RHOC: variants seen among roughly 807,000 people sequenced by gnomAD.
The protein encoded by RHOC is rho-related GTP-binding protein RhoC.
A neutral mutation model predicts 19.5 loss-of-function variants in RHOC; 13 were observed. The observed-to-expected ratio is 0.67, with a 90% CI of 0.43 to 1.06. The LOEUF is 1.06. Ranked by LOEUF, RHOC falls within the 50% of genes least tolerant of loss-of-function variation. RHOC has a pLI of 0.00. For synonymous variants in RHOC, 106 were observed against 97.3 expected, an observed-to-expected ratio of 1.09 and a Z score of -0.52; for missense variants, 173 against 256.9, an observed-to-expected ratio of 0.67 and a Z score of 2.23.
upstream of RHOC, chr1:112,707,206 G>A (rs1425088808): frequency 6.7e-6 from 1 of 150,218 alleles, no homozygotes; most frequent in Non-Finnish European, 1.5e-5. Flanking sequence ...TCGGCCGGGG[G>A]CGGCCCTTGG....
chr1:112,702,045 C>T (rs923536745), intron 5 of RHOC, among the ~76,000 whole-genome samples: 1 of 152,326 alleles, frequency 6.6e-6, no homozygotes, highest in Middle Eastern at 3.4e-3. Context: ...GACCTAACAT[C>T]TCCCCAGTTT....
At chr1:112,702,454 G>T (rs1268099505) in intron 5 of RHOC, 109 bp downstream of exon 5, 47 of 1,218,356 alleles carry the variant, frequency 3.9e-5, no homozygotes, top group Non-Finnish European at 4.7e-5. Flanking sequence ...AGATATTACT[G>T]TTTCCCCTAA....
chr1:112,705,108 G>C lies in RHOC; in HGVS notation c.-16C>G, dbSNP rs746194699. 27 of 702,342 alleles carry C rather than the reference G, an allele frequency of 3.8e-5. 1 individual carries two copies. The highest frequency in any genetic ancestry group is 3.6e-4 in the South Asian group (24 of 67,596). 43.5% of individuals were successfully genotyped at this position (702,342 alleles called of 1,614,324 possible). A position where few individuals can be genotyped will look rare whatever the true frequency, so the allele number is the denominator to read the frequency against. ...TGGGGAGGGGAACTGACCTCCAGCC[G>C]GCTGAAGTTCCCAGGCTGCAGGAAG... On this transcript the variant is annotated 5_prime_UTR_variant, in exon 2 of 6. Transcript: ENST00000339083.
chr1:112,703,546 C>T, intron 3 of RHOC, 98 bp downstream of exon 3: 1 of 999,604 alleles, frequency 1.0e-6, no homozygotes. Context: ...GAGAATGAAG[C>T]AAAGACAGGG....
At position 112,702,998 on chromosome 1, in the gene RHOC, C is replaced by T; in HGVS notation, c.277+1G>A. On this transcript the variant is annotated splice_donor_variant, in intron 4 of 5. Transcript: ENST00000339083. LOFTEE classifies it high-confidence loss of function. ...CAGTCCCCTCCCTCCAATCCCCTCA[C>T]CCAGGCTGTCAGGGCTGTCGATGGA... 6.2e-7 allele frequency: 1 copy of T among 1,613,912 alleles called. No individual in the cohort carries two copies. The highest frequency in any genetic ancestry group is 8.5e-7 in the Non-Finnish European group (1 of 1,179,962).
At chr1:112,702,319 A>G (rs1440299579) in intron 5 of RHOC, among the ~76,000 whole-genome samples, 1 of 152,188 alleles carries the variant, frequency 6.6e-6, no homozygotes, top group South Asian at 2.1e-4. Flanking sequence ...AATCATCTTA[A>G]TAGTCCCAAT....
intron 1 of RHOC, among the ~76,000 whole-genome samples, chr1:112,706,503 CA>C (rs1327097577): frequency 1.6e-5 from 1 of 61,572 alleles, no homozygotes; most frequent in East Asian, 3.8e-4. Flanking sequence ...CACACACACA[CA>C]CACACACACA....
rs1570825997 is a variant in RHOC at position 112,701,323 on chromosome 1, G to A, written c.*217C>T. 2 of 1,341,022 alleles carry A rather than the reference G, an allele frequency of 1.5e-6. No individual in the cohort carries two copies. The highest frequency in any genetic ancestry group is 2.0e-6 in the Non-Finnish European group (2 of 991,680). The allele number at this position is 1,341,022 out of a possible 1,614,324, so 83.1% of individuals were successfully genotyped here. ...GGTCAAAGGGGGCAAGATCCCCAGG[G>A]GCCCTGAGGAAGGGCAGGGCATAGG... On this transcript the variant is annotated 3_prime_UTR_variant, in exon 6 of 6. Transcript: ENST00000339083.
intron 2 of RHOC, 122 bp from the exon 3 acceptor site, chr1:112,703,928 G>A (rs1339563896): frequency 3.7e-6 from 3 of 817,548 alleles, no homozygotes; most frequent in African/African-American, 3.5e-5. Context: ...GGCTTGCTCA[G>A]GCATGTTCTG....
In RHOC at chr1:112,701,745, A is replaced by G. The variant is rs372372104; in HGVS notation, c.409-32T>C. The stretch of plus-strand genomic sequence containing the variant: ...AGACATAAGATGAGGGGTCAAAGGA[A>G]GCTGTTGACTACATGAACCTCTCCT... On this transcript the variant is annotated intron_variant, in intron 5 of 5. Transcript: ENST00000339083. The G allele has an allele frequency of 3.6e-4, 578 of 1,610,758 alleles. 1 individual carries two copies. The highest frequency in any genetic ancestry group is 4.6e-4 in the Non-Finnish European group (546 of 1,177,530).
chr1:112,707,321 G>C (rs1674932681), upstream of RHOC: 1 of 152,338 alleles, frequency 6.6e-6, no homozygotes, highest in Non-Finnish European at 1.5e-5. Flanking sequence ...GGAGAGCCAC[G>C]GGGAGATTCC....
intron 2 of RHOC, chr1:112,704,737 G>C: frequency 4.2e-6 from 1 of 238,046 alleles, no homozygotes; most frequent in Non-Finnish European, 8.4e-6. Flanking sequence ...AATGCCCACA[G>C]CTCGAGTTTG....
In RHOC at chr1:112,701,457, G is replaced by A; in HGVS notation, c.*83C>T. On this transcript the variant is annotated 3_prime_UTR_variant, in exon 6 of 6. Transcript: ENST00000339083. Reference sequence around the variant, plus strand: ...TGAAAATGGGAGCCTTCAGCATGGAGCCCTCAGGAGGCTGGGGTTGTAGGG... The same window carrying A: ...TGAAAATGGGAGCCTTCAGCATGGAACCCTCAGGAGGCTGGGGTTGTAGGG... 6.8e-6 allele frequency: 11 copies of A among 1,613,430 alleles called. No homozygotes were observed. The highest frequency in any genetic ancestry group is 9.3e-6 in the Non-Finnish European group (11 of 1,179,606).
intron 1 of RHOC, chr1:112,706,015 G>A (rs1674822845): frequency 4.3e-6 from 1 of 229,956 alleles, no homozygotes. Context: ...CAGGACACTA[G>A]GCCCAAGGCC....
upstream of RHOC, chr1:112,707,385 ACT>A (rs1323121913): frequency 6.6e-6 from 1 of 152,180 alleles, no homozygotes; most frequent in African/African-American, 2.4e-5. Flanking sequence ...GTGGACTCAG[ACT>A]CTGCCCAGCC....
At position 112,707,108 on chromosome 1, in the gene RHOC, C is replaced by G. The variant is rs1436803298; in HGVS notation, c.-107G>C. ...GCTCCGCCGCCTCCAGCTGCGCGGC[C>G]GGTGCCGGAGGCTCAGACTGACCCC... is the stretch of plus-strand genomic sequence containing the variant. On this transcript the variant is annotated 5_prime_UTR_variant, in exon 1 of 6. Coordinates refer to ENST00000339083, the MANE Select transcript of RHOC (RefSeq NM_175744.5). The G allele has an allele frequency of 6.6e-6, 1 of 151,840 alleles. No homozygotes were observed. The highest frequency in any genetic ancestry group is 1.5e-5 in the Non-Finnish European group (1 of 67,972). 9.4% of individuals were successfully genotyped at this position (151,840 alleles called of 1,614,324 possible). A position where few individuals can be genotyped will look rare whatever the true frequency, so the allele number is the denominator to read the frequency against.
rs1570835945 is a variant in RHOC at position 112,706,490 on chromosome 1, A to C, written c.-77+588T>G. Among the ~76,000 whole-genome samples the C allele has an allele frequency of 3.5e-4, 10 of 28,480 alleles. 1 individual carries two copies. The highest frequency in any genetic ancestry group is 1.1e-3 in the African/African-American group (10 of 8,848). The allele number at this position is 28,480 out of a possible 152,430, so 18.7% of individuals were successfully genotyped here. A position where few individuals can be genotyped will look rare whatever the true frequency, so the allele number is the denominator to read the frequency against. ...CACACACACACACACACACACACAC[A>C]CACACACACACACACACACACACAC... On this transcript the variant is annotated intron_variant, in intron 1 of 5. Transcript: ENST00000339083.
intron 1 of RHOC, chr1:112,705,482 A>G: frequency 1.8e-6 from 1 of 554,894 alleles, no homozygotes. Flanking sequence ...ACATTCACAA[A>G]ACTGTTGGTT....
At position 112,701,777 on chromosome 1, in the gene RHOC, C is replaced by A; in HGVS notation, c.409-64G>T. ...GACTACATGAACCTCTCCTGCCTCA[C>A]CCATAAGTGTAGCAGCTGGAACAAA... On this transcript the variant is annotated intron_variant, in intron 5 of 5. Transcript: ENST00000339083. 5 of 1,553,088 alleles carry A rather than the reference C, an allele frequency of 3.2e-6. 1 individual carries two copies. In the South Asian group the frequency reaches 5.6e-5, roughly 17 times the overall value.
Sources: gnomAD v4.1 joint callset for allele counts (sites outside exome capture counted in the v4.1 genomes callset) on GRCh38, gnomAD v4.1.1 for gene constraint, MANE v1.5 for transcripts, NCBI Gene and HGNC (gene_info 2026-07-23, HGNC 2026-07-21) for gene names.